GPM6B: variants seen among roughly 807,000 people sequenced by gnomAD.
The protein encoded by GPM6B is glycoprotein M6B, also known as neuronal membrane glycoprotein M6-b.
GPM6B carries 4 observed loss-of-function variants against 27.2 expected under a neutral mutation model. The observed-to-expected ratio is 0.15, with a 90% CI of 0.07 to 0.34. The LOEUF (loss-of-function observed/expected upper bound fraction) is 0.34, where lower values mean the gene tolerates loss of function less well. GPM6B is among the 10% of genes least tolerant of loss of function. The pLI is 1.00. For missense variants in GPM6B, 183 were observed against 261.9 expected, an observed-to-expected ratio of 0.70 and a Z score of 2.08; for synonymous variants, 124 against 103.1, an observed-to-expected ratio of 1.20 and a Z score of -1.23.
Position 13,895,236 on chromosome X carries a change from G to A in GPM6B, c.-198+43091C>T, listed in dbSNP as rs1412350709. Reference sequence around the variant, plus strand: ...TATCCCTCAGTAAGGCATTGACAATGGCTACAGTAAAACCCGTAAATCTAA... The same window carrying A: ...TATCCCTCAGTAAGGCATTGACAATAGCTACAGTAAAACCCGTAAATCTAA... On this transcript the variant is annotated intron_variant, in intron 1 of 6. Transcript: ENST00000398361. Among the ~76,000 whole-genome samples the A allele has an allele frequency of 1.3e-4, 15 of 111,450 alleles. No individual in the cohort carries two copies. The Admixed American group carries it at 1.4e-3, about 11-fold the overall frequency.
At chrX:13,875,242 G>C (rs1190913617) in intron 1 of GPM6B, among the ~76,000 whole-genome samples, 1 of 111,252 alleles carries the variant, frequency 9.0e-6, no homozygotes, top group Non-Finnish European at 1.9e-5. Flanking sequence ...AAAAGAAGTA[G>C]GGTAACCCCA....
At chrX:13,845,948 G>T (rs964196310) in intron 1 of GPM6B, among the ~76,000 whole-genome samples, 10 of 112,084 alleles carry the variant, frequency 8.9e-5, no homozygotes, top group African/African-American at 3.2e-4. Flanking sequence ...TCCTACTGAG[G>T]ATTCTTGCCA....
intron 1 of GPM6B, among the ~76,000 whole-genome samples, chrX:13,898,506 C>T (rs942081924): frequency 3.6e-4 from 41 of 112,355 alleles, no homozygotes; most frequent in African/African-American, 1.3e-3. Context: ...CCCAGGCCTA[C>T]TTGAATGAGA....
At chrX:13,890,497 A>AC (rs1049956980) in intron 1 of GPM6B, among the ~76,000 whole-genome samples, 11 of 110,918 alleles carry the variant, frequency 9.9e-5, no homozygotes, top group Non-Finnish European at 3.8e-5. Context: ...CTGGATTGGG[A>AC]CCCCTTTGTT....
chrX:13,909,120 C>CTTTTTTTTT (rs368081524), intron 1 of GPM6B, among the ~76,000 whole-genome samples: 3 of 69,856 alleles, frequency 4.3e-5, no homozygotes, highest in African/African-American at 1.9e-4. Context: ...TGTTCATATC[C>CTTTTTTTTT]TTTTTTTTTT....
chrX:13,874,007 G>A (rs898652086), intron 1 of GPM6B, among the ~76,000 whole-genome samples: 6 of 110,950 alleles, frequency 5.4e-5, no homozygotes, highest in African/African-American at 2.0e-4. Flanking sequence ...GCAATAACAC[G>A]AGAATACTTA....
intron 1 of GPM6B, among the ~76,000 whole-genome samples, chrX:13,873,331 T>C (rs1370822971): frequency 9.1e-6 from 1 of 110,174 alleles, no homozygotes; most frequent in South Asian, 3.9e-4. Context: ...CGACAGAGAG[T>C]GGCCTTGAGT....
chrX:13,809,400 C>T (rs897548879), intron 1 of GPM6B, among the ~76,000 whole-genome samples: 2 of 111,952 alleles, frequency 1.8e-5, no homozygotes, highest in African/African-American at 6.5e-5. Flanking sequence ...TCTGTGTCTC[C>T]TAAAGAAACG....
chrX:13,799,405 T>TTA (rs2048879400), intron 2 of GPM6B, among the ~76,000 whole-genome samples: 2 of 102,170 alleles, frequency 2.0e-5, no homozygotes, highest in African/African-American at 7.1e-5. Context: ...TATTATTATT[T>TTA]TTTTTTTAGT....
chrX:13,875,381 T>A (rs773233246), intron 1 of GPM6B, among the ~76,000 whole-genome samples: 12 of 111,426 alleles, frequency 1.1e-4, no homozygotes, highest in Non-Finnish European at 1.9e-4. Context: ...GGAATCAAGG[T>A]GGAGGCGAGT....
intron 1 of GPM6B, among the ~76,000 whole-genome samples, chrX:13,888,726 G>A (rs1476436030): frequency 9.0e-6 from 1 of 110,726 alleles, no homozygotes; most frequent in Non-Finnish European, 1.9e-5. Context: ...TAGAAATGAA[G>A]TAGAAAAAAA....
intron 1 of GPM6B, among the ~76,000 whole-genome samples, chrX:13,829,399 T>C (rs1287174847): frequency 2.7e-5 from 3 of 112,034 alleles, no homozygotes; most frequent in Non-Finnish European, 5.6e-5. Context: ...CTCAGCATGA[T>C]ACCTCCTACA....
chrX:13,908,164 T>C (rs964640472), intron 1 of GPM6B, among the ~76,000 whole-genome samples: 1 of 110,740 alleles, frequency 9.0e-6, no homozygotes, highest in East Asian at 2.9e-4. Context: ...AGGAAATCTC[T>C]GTACCTTGCT....
intron 2 of GPM6B, among the ~76,000 whole-genome samples, chrX:13,797,980 G>A (rs2048847648): frequency 9.1e-6 from 1 of 110,391 alleles, no homozygotes; most frequent in African/African-American, 3.3e-5. Flanking sequence ...GTTGCTTGGG[G>A]AGAGTGGGAG....
At chrX:13,774,599 T>A in intron 7 of GPM6B, 1 of 1,208,086 alleles carries the variant, frequency 8.3e-7, no homozygotes, top group Non-Finnish European at 1.1e-6. Flanking sequence ...CGCATAGTTA[T>A]ATGTAGTAGC....
At chrX:13,829,201 C>T (rs1013795405) in intron 1 of GPM6B, among the ~76,000 whole-genome samples, 5 of 111,513 alleles carry the variant, frequency 4.5e-5, no homozygotes, top group African/African-American at 1.3e-4. Context: ...CCACACACTT[C>T]CGCAACTCAG....
Position 13,783,778 on chromosome X carries a change from C to A in GPM6B, c.369-257G>T, listed in dbSNP as rs138189184. On this transcript the variant is annotated intron_variant, in intron 3 of 7. Transcript: ENST00000316715. ...TCCAGTTGTAATCTTTTAATCCTTA[C>A]CTGAGTCCTGGGCGGCAAGGGTTAG... 1.6e-3 allele frequency: 723 copies of A among 449,192 alleles called. 2 individuals are homozygous for A. Among genetic ancestry groups the A allele is most frequent in the African/African-American group, 0.016 (667 of 42,003 alleles). The allele number at this position is 449,192 out of a possible 1,213,427, so 37.0% of individuals were successfully genotyped here. A position where few individuals can be genotyped will look rare whatever the true frequency, so the allele number is the denominator to read the frequency against.
chrX:13,821,783 C>T (rs1019928394), upstream of GPM6B, among the ~76,000 whole-genome samples: 2 of 110,317 alleles, frequency 1.8e-5, no homozygotes, highest in Admixed American at 9.6e-5. Context: ...TTAGTAGAGA[C>T]GGCGTTTCTC....
At chrX:13,935,944 C>T (rs1383760863) in intron 1 of GPM6B, among the ~76,000 whole-genome samples, 1 of 112,522 alleles carries the variant, frequency 8.9e-6, no homozygotes, top group African/African-American at 3.2e-5. Flanking sequence ...ACACTTCAGA[C>T]ATCAATTGGC....
Sources: gnomAD v4.1 joint callset for allele counts (sites outside exome capture counted in the v4.1 genomes callset) on GRCh38, gnomAD v4.1.1 for gene constraint, MANE v1.5 for transcripts, NCBI Gene and HGNC (gene_info 2026-07-23, HGNC 2026-07-21) for gene names.